MSRB3: variants seen among roughly 807,000 people sequenced by gnomAD.
MSRB3 encodes the protein methionine sulfoxide reductase B3.
A neutral mutation model predicts 21.0 loss-of-function variants in MSRB3; 13 were observed. The ratio of observed to expected loss-of-function variants is 0.62; its 90% CI spans 0.40 to 0.98. The LOEUF is 0.98. Ranked by LOEUF, MSRB3 falls within the 50% of genes least tolerant of loss-of-function variation. MSRB3 has a pLI of 0.00. For synonymous variants in MSRB3, 87 were observed against 88.6 expected (o/e 0.98, Z 0.10); for missense variants, 199 against 230.3 (o/e 0.86, Z 0.88).
intron 6 of MSRB3, among the ~76,000 whole-genome samples, chr12:65,455,523 C>T (rs75487546): frequency 0.032 from 4,878 of 152,044 alleles, 143 homozygotes; most frequent in African/African-American, 0.071. Flanking sequence ...GTCCTTTTTT[C>T]TCTCTGTTAT....
intron 4 of MSRB3, among the ~76,000 whole-genome samples, chr12:65,352,131 C>A (rs1259692916): frequency 6.6e-6 from 1 of 152,124 alleles, no homozygotes; most frequent in Non-Finnish European, 1.5e-5. Context: ...AAGTGGGCTT[C>A]ATCCCTGAGA....
chr12:65,302,991 G>A (rs1873429354), intron 1 of MSRB3, among the ~76,000 whole-genome samples: 1 of 149,984 alleles, frequency 6.7e-6, no homozygotes, highest in East Asian at 1.9e-4. Context: ...CTTTCTTTTC[G>A]GATATTATGG....
At chr12:65,333,099 A>G (rs916938835) in intron 4 of MSRB3, among the ~76,000 whole-genome samples, 4 of 152,266 alleles carry the variant, frequency 2.6e-5, no homozygotes, top group African/African-American at 7.2e-5. Context: ...TAAACCAAAG[A>G]AAACACTGGG....
At chr12:65,349,169 T>A (rs1876754862) in intron 4 of MSRB3, among the ~76,000 whole-genome samples, 2 of 152,120 alleles carry the variant, frequency 1.3e-5, no homozygotes, top group Non-Finnish European at 2.9e-5. Context: ...TTTGGTTTTT[T>A]GTTCTTGCGA....
At chr12:65,453,368 G>A (rs1882943672) in intron 5 of MSRB3, among the ~76,000 whole-genome samples, 1 of 152,160 alleles carries the variant, frequency 6.6e-6, no homozygotes, top group African/African-American at 2.4e-5. Flanking sequence ...CATCGTAATG[G>A]AAGATTCATA....
rs1258134547 is a variant in MSRB3 at position 65,362,919 on chromosome 12, AC to A, written c.264-6077del. 2.0e-5 allele frequency among the ~76,000 whole-genome samples: 3 copies of A among 152,140 alleles called. No homozygotes were observed. The East Asian group carries it at 5.8e-4, about 29-fold the overall frequency. On this transcript the variant is annotated intron_variant, in intron 4 of 6. Transcript: ENST00000308259. Reference sequence around the variant, plus strand: ...TTCTAGGGGTAGAAGAAATTGGTAGACCTTGTAGGTCTACAAGTAGGATGCT... The same window carrying A: ...TTCTAGGGGTAGAAGAAATTGGTAGACTTGTAGGTCTACAAGTAGGATGCT...
At chr12:65,441,387 A>G (rs966563553) in intron 5 of MSRB3, among the ~76,000 whole-genome samples, 1 of 151,980 alleles carries the variant, frequency 6.6e-6, no homozygotes, top group Admixed American at 6.6e-5. Flanking sequence ...GAAGACTGTC[A>G]TCAGGTGCTA....
At chr12:65,301,603 G>A (rs1043424999) in intron 1 of MSRB3, among the ~76,000 whole-genome samples, 7 of 152,164 alleles carry the variant, frequency 4.6e-5, no homozygotes, top group Admixed American at 4.6e-4. Flanking sequence ...AACAGTGCAG[G>A]ATGTTACAAA....
At chr12:65,399,233 C>T (rs1373044079) in intron 5 of MSRB3, among the ~76,000 whole-genome samples, 1 of 152,148 alleles carries the variant, frequency 6.6e-6, no homozygotes, top group Non-Finnish European at 1.5e-5. Flanking sequence ...TCTTCCTATC[C>T]ATGAGCATGG....
chr12:65,405,987 T>C lies in MSRB3; in HGVS notation c.292+36961T>C, dbSNP rs577222754. Among the ~76,000 whole-genome samples the C allele has an allele frequency of 6.6e-5, 10 of 152,314 alleles. No individual in the cohort carries two copies. The South Asian group carries it at 2.1e-3, about 32-fold the overall frequency. On this transcript the variant is annotated intron_variant, in intron 5 of 6. Coordinates refer to ENST00000308259, the MANE Select transcript of MSRB3 (RefSeq NM_001031679.3). ...TTTGATATTAACTTCTTATCAGATA[T>C]AAAATTTGTAAATATTTTCTCTTGT... is the stretch of plus-strand genomic sequence containing the variant.
chr12:65,398,462 T>C (rs1879937231), intron 5 of MSRB3, among the ~76,000 whole-genome samples: 1 of 152,152 alleles, frequency 6.6e-6, no homozygotes, highest in Non-Finnish European at 1.5e-5. Context: ...GGGTTTGTTT[T>C]TTTCTTGTAA....
At chr12:65,457,684 T>A (rs1592655556) in intron 6 of MSRB3, among the ~76,000 whole-genome samples, 1 of 152,008 alleles carries the variant, frequency 6.6e-6, no homozygotes, top group Non-Finnish European at 1.5e-5. Context: ...AGAGAAAATT[T>A]TTGCAATCTA....
chr12:65,371,328 C>CAA (rs34453745), intron 5 of MSRB3, among the ~76,000 whole-genome samples: 28,939 of 84,592 alleles, frequency 0.34, 5,046 homozygotes, highest in East Asian at 0.57. Context: ...GACTCCATCT[C>CAA]AAAAAAAAAA....
intron 2 of MSRB3, among the ~76,000 whole-genome samples, chr12:65,321,572 A>G (rs1874666701): frequency 6.6e-6 from 1 of 152,204 alleles, no homozygotes; most frequent in Non-Finnish European, 1.5e-5. Flanking sequence ...GTATGGTTCT[A>G]CAAATATAGG....
At chr12:65,359,314 C>G (rs1877570424) in intron 4 of MSRB3, among the ~76,000 whole-genome samples, 1 of 151,954 alleles carries the variant, frequency 6.6e-6, no homozygotes. Flanking sequence ...GAGATTTTTA[C>G]AGCTTTAAAC....
intron 5 of MSRB3, among the ~76,000 whole-genome samples, chr12:65,415,963 G>A (rs759948507): frequency 1.3e-5 from 2 of 152,218 alleles, no homozygotes; most frequent in Non-Finnish European, 2.9e-5. Flanking sequence ...AGTCCAGAGA[G>A]CAATGCCAAG....
At chr12:65,288,771 A>T (rs1159025931) in intron 1 of MSRB3, among the ~76,000 whole-genome samples, 1 of 152,152 alleles carries the variant, frequency 6.6e-6, no homozygotes, top group East Asian at 1.9e-4. Flanking sequence ...TACCCTATTA[A>T]ATATATTTAA....
intron 1 of MSRB3, among the ~76,000 whole-genome samples, chr12:65,298,241 C>G (rs1006759248): frequency 2.0e-5 from 3 of 152,120 alleles, no homozygotes; most frequent in African/African-American, 7.2e-5. Flanking sequence ...TGAGCTCAAG[C>G]GATCCTCCTG....
At chr12:65,328,432 T>C in intron 3 of MSRB3, 94 bp from the exon 4 acceptor site, 2 of 891,010 alleles carry the variant, frequency 2.2e-6, no homozygotes, top group Non-Finnish European at 1.8e-6. Flanking sequence ...AAAAAGCCCT[T>C]GAAAGATTTA....
Sources: gnomAD v4.1 joint callset for allele counts (sites outside exome capture counted in the v4.1 genomes callset) on GRCh38, gnomAD v4.1.1 for gene constraint, MANE v1.5 for transcripts, NCBI Gene and HGNC (gene_info 2026-07-23, HGNC 2026-07-21) for gene names.